FAF1: variants seen among roughly 807,000 people sequenced by gnomAD.
The protein encoded by FAF1 is Fas associated factor 1.
In FAF1, 25 loss-of-function variants were observed where a neutral mutation model predicts 92.5. The ratio of observed to expected loss-of-function variants is 0.27; its 90% CI spans 0.20 to 0.38. The LOEUF (loss-of-function observed/expected upper bound fraction) is 0.38, where lower values mean the gene tolerates loss of function less well. FAF1 is among the 10% of genes least tolerant of loss of function. The pLI is 1.00. For synonymous variants in FAF1, 234 were observed against 273.2 expected (o/e 0.86, Z 1.42); for missense variants, 636 against 793.3 (o/e 0.80, Z 2.38).
At chr1:50,803,025 A>G (rs1662057962) in intron 2 of FAF1, among the ~76,000 whole-genome samples, 1 of 152,226 alleles carries the variant, frequency 6.6e-6, no homozygotes, top group Admixed American at 6.5e-5. Context: ...AAATCCATAG[A>G]TTAACATAGA....
At chr1:50,930,728 G>C (rs911532811) in intron 1 of FAF1, among the ~76,000 whole-genome samples, 33 of 152,084 alleles carry the variant, frequency 2.2e-4, no homozygotes, top group Non-Finnish European at 1.5e-5. Flanking sequence ...CCAGCTACTC[G>C]GGAGGTGGAG....
intron 6 of FAF1, among the ~76,000 whole-genome samples, chr1:50,726,689 C>T (rs748850706): frequency 7.9e-5 from 12 of 152,070 alleles, no homozygotes; most frequent in Non-Finnish European, 1.3e-4. Flanking sequence ...ATTATCTGGG[C>T]GTGGTGGCGG....
At position 50,693,727 on chromosome 1, in the gene FAF1, G is replaced by A. The variant is rs140302676; in HGVS notation, c.657+12059C>T. Among the ~76,000 whole-genome samples, 899 of 151,916 alleles carry A rather than the reference G, an allele frequency of 5.9e-3. 7 individuals are homozygous for A. The highest frequency in any genetic ancestry group is 8.7e-3 in the Admixed American group (132 of 15,240). ...TGAGCCCTTTAAGTAATACCTTAAG[G>A]ATTAAAAGATTACTTACATTTCACA... On this transcript the variant is annotated intron_variant, in intron 7 of 18. Transcript: ENST00000396153.
At chr1:50,585,672 A>G (rs988170429) in intron 9 of FAF1, among the ~76,000 whole-genome samples, 2 of 152,158 alleles carry the variant, frequency 1.3e-5, no homozygotes, top group Non-Finnish European at 1.5e-5. Context: ...TTCAATAAAT[A>G]AAGTCTATAA....
Position 50,539,676 on chromosome 1 carries a change from G to T in FAF1, c.1321C>A (p.Arg441=). ...HFGSVVAQTI[R]TQKTDQFPLF... ...GGAAACTGATCCGTTTTTTGAGTCC[G>T]AATGGTTTGTGCCACAACACTGCCA... Residue 441 remains arginine (R), a synonymous_variant, in exon 14 of 19, where the codon CGG becomes AGG. Transcript: ENST00000396153. 2.5e-6 allele frequency: 4 copies of T among 1,611,670 alleles called. No individual in the cohort carries two copies. Among genetic ancestry groups the T allele is most frequent in the African/African-American group, 1.3e-5 (1 of 74,988 alleles).
intron 2 of FAF1, chr1:50,846,921 C>A: frequency 2.9e-6 from 1 of 341,234 alleles, no homozygotes; most frequent in Non-Finnish European, 5.5e-6. Context: ...AGTTTACAAG[C>A]TTGGCCTTTT....
At chr1:50,880,280 G>A (rs1644601113) in intron 1 of FAF1, among the ~76,000 whole-genome samples, 1 of 152,096 alleles carries the variant, frequency 6.6e-6, no homozygotes, top group Non-Finnish European at 1.5e-5. Flanking sequence ...ATTAAAAAAA[G>A]GGAAAAAGGG....
chr1:50,924,913 G>T (rs988047704), intron 1 of FAF1, among the ~76,000 whole-genome samples: 5 of 152,214 alleles, frequency 3.3e-5, no homozygotes, highest in Admixed American at 1.3e-4. Flanking sequence ...AACCCAGGAG[G>T]CGGAGGCTGC....
intron 6 of FAF1, among the ~76,000 whole-genome samples, chr1:50,706,587 G>T (rs1657682965): frequency 6.6e-6 from 1 of 151,940 alleles, no homozygotes. Flanking sequence ...TCCTGGAACT[G>T]TCAATTATAT....
At chr1:50,605,833 A>G (rs1652356362) in intron 8 of FAF1, among the ~76,000 whole-genome samples, 1 of 152,242 alleles carries the variant, frequency 6.6e-6, no homozygotes, top group African/African-American at 2.4e-5. Flanking sequence ...CTATTTGTTG[A>G]ATGTTATACT....
At chr1:50,558,182 A>C (rs996589723) in intron 13 of FAF1, among the ~76,000 whole-genome samples, 2 of 151,918 alleles carry the variant, frequency 1.3e-5, no homozygotes. Context: ...TACAGGTGTG[A>C]GCCGCCGCAT....
At chr1:50,555,966 G>A (rs1649556070) in intron 13 of FAF1, among the ~76,000 whole-genome samples, 1 of 151,498 alleles carries the variant, frequency 6.6e-6, no homozygotes, top group Non-Finnish European at 1.5e-5. Context: ...TATGGTATGT[G>A]TATATATTAT....
At chr1:50,582,953 G>A (rs764310314) in intron 11 of FAF1, among the ~76,000 whole-genome samples, 9 of 152,040 alleles carry the variant, frequency 5.9e-5, no homozygotes, top group Non-Finnish European at 1.2e-4. Flanking sequence ...ATAAAACCAT[G>A]CCATTTATAA....
chr1:50,700,807 T>C (rs939620940), intron 7 of FAF1, among the ~76,000 whole-genome samples: 38 of 152,182 alleles, frequency 2.5e-4, no homozygotes, highest in East Asian at 3.9e-4. Flanking sequence ...CAAATACTTA[T>C]ATGGGCCAAA....
intron 5 of FAF1, among the ~76,000 whole-genome samples, chr1:50,742,576 G>C (rs547814884): frequency 6.8e-4 from 103 of 152,240 alleles, no homozygotes; most frequent in African/African-American, 2.4e-3. Context: ...TAGAGACAGG[G>C]TTTTGTCATG....
chr1:50,932,530 T>C lies in FAF1; in HGVS notation c.45+27237A>G, dbSNP rs188194561. Among the ~76,000 whole-genome samples the C allele has an allele frequency of 1.2e-4, 18 of 152,336 alleles. No individual in the cohort carries two copies. In the East Asian group the frequency reaches 3.5e-3, roughly 29 times the overall value. ...CACGGATGCAAAAGGTGGGTTCCCA[T>C]GGTCTTGGGCAGCTCCGCGCCTGTG... On this transcript the variant is annotated intron_variant, in intron 1 of 18. Transcript: ENST00000396153.
At chr1:50,527,683 T>C (rs143706149) in intron 15 of FAF1, among the ~76,000 whole-genome samples, 285 of 152,336 alleles carry the variant, frequency 1.9e-3, no homozygotes, top group Non-Finnish European at 3.0e-3. Flanking sequence ...TTCATCCAAC[T>C]GTAAAGTATC....
At chr1:50,518,890 GGCAGTGAATAATA>G (rs1239610964) in intron 15 of FAF1, among the ~76,000 whole-genome samples, 1 of 152,106 alleles carries the variant, frequency 6.6e-6, no homozygotes, top group Non-Finnish European at 1.5e-5. Context: ...TATTCTTGAC[GGCAGTGAATAATA>G]GCTTTGGTTG....
chr1:50,531,612 G>C (rs1156363749), intron 15 of FAF1, among the ~76,000 whole-genome samples: 1 of 152,122 alleles, frequency 6.6e-6, no homozygotes, highest in Non-Finnish European at 1.5e-5. Context: ...ACCTCATCCA[G>C]TGATATGTAC....
Sources: allele counts gnomAD v4.1 joint callset (sites outside exome capture counted in the v4.1 genomes callset), GRCh38; gene constraint gnomAD v4.1.1; transcripts MANE v1.5; gene names NCBI Gene and HGNC (gene_info 2026-07-23, HGNC 2026-07-21).